Variants in MTNAP1 observed in about 807,000 individuals in gnomAD.
MTNAP1 encodes mitochondrial nucleoid-associated protein 1.
At chr17:73,242,897 C>T in the MTNAP1 span, 3 of 1,612,298 alleles carry the variant, frequency 1.9e-6, no homozygotes, top group Non-Finnish European at 1.7e-6. Context: ...TTTGAACAGG[C>T]TGGATCAGGT....
chr17:73,236,824 G>C, the MTNAP1 span: 1 of 1,614,004 alleles, frequency 6.2e-7, no homozygotes, highest in Non-Finnish European at 8.5e-7. Flanking sequence ...CACCAATCAT[G>C]CTGCAGCTGC....
the MTNAP1 span, among the ~76,000 whole-genome samples, chr17:73,235,005 C>T: frequency 6.6e-6 from 1 of 152,076 alleles, no homozygotes; most frequent in African/African-American, 2.4e-5. Flanking sequence ...TGCCAGAGCT[C>T]AGGAGTTCGA....
At chr17:73,238,941 T>G in the MTNAP1 span, among the ~76,000 whole-genome samples, 2 of 129,526 alleles carry the variant, frequency 1.5e-5, no homozygotes, top group Non-Finnish European at 3.4e-5. Context: ...GTGTGTTTTG[T>G]TTTTTTGTTT....
At chr17:73,248,617 C>T in the MTNAP1 span, 1 of 1,353,630 alleles carries the variant, frequency 7.4e-7, no homozygotes, top group Non-Finnish European at 1.0e-6. Flanking sequence ...GCAGAAGAGG[C>T]ATGGTGACAC....
chr17:73,233,575 C>T, the MTNAP1 span, among the ~76,000 whole-genome samples: 1 of 152,198 alleles, frequency 6.6e-6, no homozygotes, highest in Non-Finnish European at 1.5e-5. Context: ...CGCCTGTAAT[C>T]CCAGCAGGCT....
chr17:73,235,419 A>G, the MTNAP1 span: 1 of 1,381,848 alleles, frequency 7.2e-7, no homozygotes, highest in Non-Finnish European at 9.9e-7. Context: ...CACATAAGTA[A>G]AATATTGGTA....
At chr17:73,236,197 G>C in the MTNAP1 span, 1 of 1,614,170 alleles carries the variant, frequency 6.2e-7, no homozygotes, top group African/African-American at 1.3e-5. Context: ...CAGTGATGGG[G>C]TTAAAAGGGT....
chr17:73,234,332 A>G, the MTNAP1 span, among the ~76,000 whole-genome samples: 2 of 135,328 alleles, frequency 1.5e-5, no homozygotes, highest in African/African-American at 5.4e-5. Flanking sequence ...TTTTTTTTTT[A>G]ATTTTTTACA....
chr17:73,238,195 T>C, the MTNAP1 span, among the ~76,000 whole-genome samples: 1 of 152,236 alleles, frequency 6.6e-6, no homozygotes, highest in African/African-American at 2.4e-5. Context: ...ATCTCATCTT[T>C]AGTTATGAGA....
chr17:73,246,654 C>T, the MTNAP1 span, among the ~76,000 whole-genome samples: 1 of 152,168 alleles, frequency 6.6e-6, no homozygotes, highest in African/African-American at 2.4e-5. Context: ...TTTTCTATTC[C>T]CAATCCCCTG....
At chr17:73,245,885 C>T in the MTNAP1 span, 1 of 228,278 alleles carries the variant, frequency 4.4e-6, no homozygotes, top group East Asian at 1.8e-4. Flanking sequence ...CAGAATCCCA[C>T]CCCTATCTAT....
At chr17:73,236,026 T>A in the MTNAP1 span, 1 of 1,614,134 alleles carries the variant, frequency 6.2e-7, no homozygotes, top group Non-Finnish European at 8.5e-7. Context: ...AGAACCTTCT[T>A]TGTCAAATCA....
the MTNAP1 span, chr17:73,242,315 TTCTC>T: frequency 1.3e-5 from 21 of 1,604,960 alleles, no homozygotes; most frequent in Non-Finnish European, 1.8e-5. Flanking sequence ...AACCTCCAAC[TTCTC>T]TCTAATGAGG....
the MTNAP1 span, chr17:73,242,291 C>A: frequency 6.2e-7 from 1 of 1,607,478 alleles, no homozygotes; most frequent in South Asian, 1.1e-5. Context: ...TTTGGAACCC[C>A]CTGCCGGACT....
chr17:73,245,212 A>G, the MTNAP1 span: 12 of 1,613,472 alleles, frequency 7.4e-6, no homozygotes, highest in African/African-American at 1.6e-4. Context: ...ACATCACTTA[A>G]AGCTCTGGAA....
the MTNAP1 span, chr17:73,248,382 A>T: frequency 1.0e-6 from 1 of 985,844 alleles, no homozygotes; most frequent in Non-Finnish European, 1.6e-6. Flanking sequence ...TTACCATTTT[A>T]AACAGCCTTA....
the MTNAP1 span, chr17:73,247,689 T>G: frequency 5.3e-6 from 1 of 186,976 alleles, no homozygotes; most frequent in Admixed American, 5.5e-5. Flanking sequence ...GGTGAGATCC[T>G]GTATTAATAA....
chr17:73,235,718 C>G, the MTNAP1 span: 2 of 1,614,028 alleles, frequency 1.2e-6, no homozygotes, highest in African/African-American at 2.7e-5. Context: ...GAAAGAAATT[C>G]TAAGTTGGTG....
the MTNAP1 span, among the ~76,000 whole-genome samples, chr17:73,238,999 A>C: frequency 6.6e-6 from 1 of 152,014 alleles, no homozygotes; most frequent in South Asian, 2.1e-4. Context: ...GTTGGAGTGC[A>C]GTGGTGTGAT....
Sources: allele counts gnomAD v4.1 joint callset (sites outside exome capture counted in the v4.1 genomes callset), GRCh38; gene constraint gnomAD v4.1.1; transcripts MANE v1.5; gene names NCBI Gene and HGNC (gene_info 2026-07-23, HGNC 2026-07-21).